LNPK: variants seen among roughly 807,000 people sequenced by gnomAD.
The protein encoded by LNPK is endoplasmic reticulum junction formation protein lunapark.
LNPK carries 29 observed loss-of-function variants against 55.2 expected under a neutral mutation model. That is an observed-to-expected ratio of 0.53 (90% CI 0.39 to 0.72). The LOEUF (loss-of-function observed/expected upper bound fraction) is 0.72, where lower values mean the gene tolerates loss of function less well. Ranked by LOEUF, LNPK falls within the 30% of genes least tolerant of loss-of-function variation. LNPK has a pLI of 0.00. For missense variants in LNPK, 467 were observed against 494.8 expected, an observed-to-expected ratio of 0.94 and a Z score of 0.53; for synonymous variants, 162 against 168.2, an observed-to-expected ratio of 0.96 and a Z score of 0.29.
Position 175,930,033 on chromosome 2 carries a change from G to A in LNPK, c.1221C>T (p.Ser407=), listed in dbSNP as rs1269755266. The change falls in exon 13 of 13, where the codon TCC becomes TCT. Residue 407 remains serine (S), a synonymous_variant. Transcript: ENST00000272748. ...NEEASVIETN[S]TVPGADSIPD... ...GAATAGAATCAGCTCCAGGAACTGT[G>A]GAGTTGGTTTCAATCACTGAGGCTT... The A allele has an allele frequency of 6.2e-7, 1 of 1,614,024 alleles. No homozygotes were observed. The highest frequency in any genetic ancestry group is 8.5e-7 in the Non-Finnish European group (1 of 1,179,964).
intron 12 of LNPK, among the ~76,000 whole-genome samples, chr2:175,930,570 ATG>A (rs994553074): frequency 3.5e-5 from 5 of 143,564 alleles, no homozygotes; most frequent in African/African-American, 1.0e-4. Flanking sequence ...AACAATGCAA[ATG>A]TATTAATGTC....
At chr2:175,992,545 A>G in intron 3 of LNPK, 127 bp from the exon 4 acceptor site, 1 of 544,156 alleles carries the variant, frequency 1.8e-6, no homozygotes, top group Non-Finnish European at 3.1e-6. Flanking sequence ...AAAGCATAAT[A>G]TTCTAACAGT....
chr2:175,980,201 A>G (rs1197055656), intron 4 of LNPK, among the ~76,000 whole-genome samples: 1 of 152,196 alleles, frequency 6.6e-6, no homozygotes, highest in African/African-American at 2.4e-5. Context: ...GAATATTAGA[A>G]TCCCTTACTA....
rs1374847752 is a variant in LNPK at position 176,002,264 on chromosome 2, A to C, written c.-167T>G. On this transcript the variant is annotated 5_prime_UTR_variant, in exon 1 of 13. Coordinates refer to ENST00000272748, the MANE Select transcript of LNPK (RefSeq NM_030650.3). ...CAGGCAGCAGCCGCCACTGACAGAG[A>C]GACAAGCCGGGCCAACTCCTTCCCA... The C allele has an allele frequency of 2.2e-6, 1 of 449,156 alleles. No individual in the cohort carries two copies. The highest frequency in any genetic ancestry group is 2.4e-5 in the Admixed American group (1 of 42,140). The allele number at this position is 449,156 out of a possible 1,614,324, so 27.8% of individuals were successfully genotyped here.
intron 9 of LNPK, among the ~76,000 whole-genome samples, chr2:175,940,720 G>A (rs1310227685): frequency 6.6e-6 from 1 of 151,996 alleles, no homozygotes; most frequent in East Asian, 1.9e-4. Context: ...GACTGAATTA[G>A]TACACAATAT....
chr2:175,999,038 GAT>G (rs1470465898), intron 1 of LNPK, among the ~76,000 whole-genome samples: 20 of 152,144 alleles, frequency 1.3e-4, no homozygotes, highest in Non-Finnish European at 2.2e-4. Context: ...ATATTAGAGT[GAT>G]AGTCATTAAA....
intron 12 of LNPK, among the ~76,000 whole-genome samples, chr2:175,933,761 T>C (rs1006443640): frequency 7.8e-6 from 1 of 128,644 alleles, no homozygotes; most frequent in Non-Finnish European, 1.6e-5. Flanking sequence ...AGACAGAGTC[T>C]CACTCTGTCA....
intron 9 of LNPK, among the ~76,000 whole-genome samples, chr2:175,947,244 C>T (rs567212955): frequency 7.5e-4 from 114 of 152,150 alleles, no homozygotes; most frequent in African/African-American, 2.6e-3. Flanking sequence ...AGTTTTATTG[C>T]TATTTAAACA....
chr2:175,963,370 C>T (rs1686160942), intron 8 of LNPK, among the ~76,000 whole-genome samples: 1 of 152,082 alleles, frequency 6.6e-6, no homozygotes, highest in Admixed American at 6.5e-5. Flanking sequence ...GAATACTATG[C>T]AGCCATAAAA....
At chr2:175,938,083 T>C (rs73978122) in intron 11 of LNPK, among the ~76,000 whole-genome samples, 20,571 of 152,132 alleles carry the variant, frequency 0.14, 1,765 homozygotes, top group Non-Finnish European at 0.2. Flanking sequence ...CTTTGGGTGA[T>C]TGTGATGCAC....
chr2:175,934,134 C>A (rs982533149), intron 12 of LNPK, among the ~76,000 whole-genome samples: 1 of 152,046 alleles, frequency 6.6e-6, no homozygotes, highest in African/African-American at 2.4e-5. Context: ...AACAAACATG[C>A]AAAAACATAC....
intron 8 of LNPK, among the ~76,000 whole-genome samples, chr2:175,949,646 C>A (rs1359542533): frequency 6.6e-6 from 1 of 152,038 alleles, no homozygotes; most frequent in African/African-American, 2.4e-5. Context: ...TAGTACACCA[C>A]TGAAAGGAGA....
intron 12 of LNPK, among the ~76,000 whole-genome samples, chr2:175,933,982 C>A (rs1296534404): frequency 6.6e-6 from 1 of 152,146 alleles, no homozygotes; most frequent in Non-Finnish European, 1.5e-5. Flanking sequence ...CCCGCCTTGG[C>A]CTCCCAAAGT....
chr2:175,957,593 A>G (rs1685759902), intron 8 of LNPK, among the ~76,000 whole-genome samples: 1 of 152,024 alleles, frequency 6.6e-6, no homozygotes, highest in African/African-American at 2.4e-5. Flanking sequence ...AGATCATTCC[A>G]AGATGCCCGA....
intron 2 of LNPK, chr2:175,994,246 A>G: frequency 1.0e-6 from 1 of 969,916 alleles, no homozygotes; most frequent in Non-Finnish European, 1.2e-6. Flanking sequence ...GCTAAGTCCA[A>G]GCAGTTGAAT....
chr2:175,953,870 G>A (rs1003343004), intron 8 of LNPK, among the ~76,000 whole-genome samples: 5 of 151,416 alleles, frequency 3.3e-5, no homozygotes, highest in African/African-American at 4.9e-5. Context: ...ATAAAGTCCT[G>A]AACTCCAGAA....
At chr2:175,943,098 C>G (rs1355154780) in intron 9 of LNPK, among the ~76,000 whole-genome samples, 1 of 151,290 alleles carries the variant, frequency 6.6e-6, no homozygotes, top group African/African-American at 2.4e-5. Flanking sequence ...ACCAAACTAC[C>G]GAAGTTCACT....
chr2:175,945,955 AC>A (rs1685102542), intron 9 of LNPK, among the ~76,000 whole-genome samples: 1 of 152,198 alleles, frequency 6.6e-6, no homozygotes, highest in Non-Finnish European at 1.5e-5. Flanking sequence ...GTGGTAATAC[AC>A]ATTAAATTGA....
intron 5 of LNPK, among the ~76,000 whole-genome samples, chr2:175,973,050 TA>T (rs1271232364): frequency 1.3e-5 from 2 of 152,176 alleles, no homozygotes; most frequent in Non-Finnish European, 2.9e-5. Context: ...ATAGCACTTT[TA>T]AAAAAAATTA....
Sources: gnomAD v4.1 joint callset for allele counts (sites outside exome capture counted in the v4.1 genomes callset) on GRCh38, gnomAD v4.1.1 for gene constraint, MANE v1.5 for transcripts, NCBI Gene and HGNC (gene_info 2026-07-23, HGNC 2026-07-21) for gene names.